The following FCRL3 variants were observed in gnomAD, a reference collection of about 807,000 sequenced individuals.
FCRL3 encodes the protein Fc receptor-like protein 3.
Under a neutral mutation model 75.0 loss-of-function variants are expected in FCRL3, and 89 were observed. The observed-to-expected ratio is 1.19, with a 90% CI of 1.00 to 1.42. FCRL3 has a LOEUF of 1.42. Ranked by LOEUF, FCRL3 falls within the 40% of genes most tolerant of loss-of-function variation. The pLI, the probability that FCRL3 is intolerant of heterozygous loss-of-function variation, is 0.00. For synonymous variants in FCRL3, 376 were observed against 348.5 expected (o/e 1.08, Z -0.88); for missense variants, 946 against 880.0 (o/e 1.07, Z -0.95).
chr1:157,692,151 C>T (rs2101612728), intron 8 of FCRL3: 1 of 151,140 alleles, frequency 6.6e-6, no homozygotes, highest in South Asian at 2.1e-4. Context: ...AACATAATGC[C>T]CTTTTAATTG....
intron 7 of FCRL3, 102 bp from the exon 8 acceptor site, chr1:157,695,709 G>A: frequency 7.5e-7 from 1 of 1,327,230 alleles, no homozygotes; most frequent in Non-Finnish European, 1.0e-6. Flanking sequence ...TCCCTTGATT[G>A]TTTCTGTTTC....
intron 10 of FCRL3, among the ~76,000 whole-genome samples, chr1:157,686,144 T>A (rs772499121): frequency 3.4e-4 from 51 of 151,950 alleles, no homozygotes; most frequent in Non-Finnish European, 6.6e-4. Flanking sequence ...TTTCTATACA[T>A]CAACAAAGTC....
At chr1:157,681,601 C>T (rs1403968660) in intron 11 of FCRL3, among the ~76,000 whole-genome samples, 4 of 152,074 alleles carry the variant, frequency 2.6e-5, no homozygotes, top group Non-Finnish European at 5.9e-5. Flanking sequence ...CATAGTATTC[C>T]ATGGTGTATA....
intron 5 of FCRL3, 68 bp downstream of exon 5, chr1:157,697,591 A>G: frequency 1.9e-6 from 3 of 1,540,498 alleles, no homozygotes; most frequent in Non-Finnish European, 2.6e-6. Context: ...ATTCCCACTG[A>G]TAAACATCTT....
At chr1:157,680,667 C>G in intron 13 of FCRL3, 35 bp downstream of exon 13, 1 of 1,584,894 alleles carries the variant, frequency 6.3e-7, no homozygotes, top group Non-Finnish European at 8.7e-7. Context: ...TAAAACACTG[C>G]CACCTCACCT....
chr1:157,689,782 G>C lies in FCRL3; in HGVS notation c.1810+16C>G. 6.2e-7 allele frequency: 1 copy of C among 1,613,988 alleles called. No homozygotes were observed. The highest frequency in any genetic ancestry group is 8.5e-7 in the Non-Finnish European group (1 of 1,179,904). On this transcript the variant is annotated intron_variant, in intron 10 of 14. Transcript: ENST00000368184. ...AACGGCAAAATCACATCACAAGGTA[G>C]GACCTAGACACCCACCTGGTTTCCT...
rs771038579 is a variant in FCRL3 at position 157,697,859 on chromosome 1, C to T, written c.359G>A (p.Cys120Tyr). ...AGTGTTTTTGTTGTCTTTCCCCTGA[C>T]ATCTCAGAATGACATTGTCTCCTTC... ...VFEGDNVILR[C>Y]QGKDNKNTHQ... Residue 120 changes from cysteine to tyrosine, a missense_variant, in exon 5 of 15, where the codon TGT becomes TAT. Coordinates refer to ENST00000368184, the MANE Select transcript of FCRL3 (RefSeq NM_052939.4). 45 of 1,614,148 alleles carry T rather than the reference C, an allele frequency of 2.8e-5. 1 individual carries two copies. In the Admixed American group the frequency reaches 7.5e-4, roughly 27 times the overall value.
chr1:157,681,185 A>G (rs1288419005), intron 11 of FCRL3, 86 bp from the exon 12 acceptor site: 2 of 818,004 alleles, frequency 2.4e-6, no homozygotes, highest in Non-Finnish European at 1.8e-6. Flanking sequence ...GAAGTCCTCC[A>G]GTCCAGCATG....
intron 9 of FCRL3, 51 bp downstream of exon 9, chr1:157,690,204 C>A: frequency 6.3e-7 from 1 of 1,588,682 alleles, no homozygotes; most frequent in Non-Finnish European, 8.6e-7. Flanking sequence ...TGTCAGATAA[C>A]TATTTTATTT....
At chr1:157,693,957 C>G (rs941522835) in intron 8 of FCRL3, among the ~76,000 whole-genome samples, 1 of 151,984 alleles carries the variant, frequency 6.6e-6, no homozygotes, top group East Asian at 1.9e-4. Context: ...TCCATATTGC[C>G]CACGCTGGTC....
chr1:157,694,726 G>A (rs758489387), intron 8 of FCRL3, among the ~76,000 whole-genome samples: 3 of 151,998 alleles, frequency 2.0e-5, no homozygotes, highest in African/African-American at 7.3e-5. Flanking sequence ...TTTTGTTAGG[G>A]GATACTGAGA....
At chr1:157,687,071 GAACT>G (rs1309258210) in intron 10 of FCRL3, among the ~76,000 whole-genome samples, 3 of 151,654 alleles carry the variant, frequency 2.0e-5, no homozygotes, top group Non-Finnish European at 4.4e-5. Flanking sequence ...GACCTGTAAG[GAACT>G]TAAACAAATC....
chr1:157,689,944 T>C, intron 9 of FCRL3, 27 bp from the exon 10 acceptor site: 1 of 1,612,074 alleles, frequency 6.2e-7, no homozygotes, highest in African/African-American at 1.3e-5. Flanking sequence ...GTACTTGAGT[T>C]TCAGTGGCAC....
chr1:157,700,552 GA>G lies in FCRL3; in HGVS notation c.-64del. On this transcript the variant is annotated 5_prime_UTR_variant, in exon 2 of 15. Coordinates refer to ENST00000368184, the MANE Select transcript of FCRL3 (RefSeq NM_052939.4). The stretch of plus-strand genomic sequence containing the variant: ...CACCAAAAGCCCGACTTATCTCCAA[GA>G]AGGAGGGCAGGAAGCTGCTACTCAG... The G allele has an allele frequency of 6.2e-7, 1 of 1,613,200 alleles. No individual in the cohort carries two copies. The highest frequency in any genetic ancestry group is 1.1e-5 in the South Asian group (1 of 90,996).
At chr1:157,695,046 C>A (rs574084687) in intron 8 of FCRL3, among the ~76,000 whole-genome samples, 4 of 151,956 alleles carry the variant, frequency 2.6e-5, no homozygotes, top group Non-Finnish European at 5.9e-5. Flanking sequence ...GCTGACCCAT[C>A]ACGTGTTTGG....
chr1:157,700,446 C>A lies in FCRL3; in HGVS notation c.31+13G>T, dbSNP rs376852410. 1.1e-5 allele frequency: 17 copies of A among 1,613,822 alleles called. No homozygotes were observed. Among genetic ancestry groups the A allele is most frequent in the Non-Finnish European group, 1.4e-5 (17 of 1,179,946 alleles). On this transcript the variant is annotated intron_variant, in intron 2 of 14. Transcript: ENST00000368184. ...AACTGAGGCCGTGGCCCCATTATAG[C>A]CCATCTACTCACTCAGGATCAGCAG...
At chr1:157,699,437 G>A (rs1395124071) in intron 3 of FCRL3, among the ~76,000 whole-genome samples, 1 of 151,816 alleles carries the variant, frequency 6.6e-6, no homozygotes, top group East Asian at 1.9e-4. Context: ...TCAGCCTCTT[G>A]CCTCTGTCCT....
intron 10 of FCRL3, 117 bp from the exon 11 acceptor site, chr1:157,683,361 T>A: frequency 7.9e-7 from 1 of 1,273,246 alleles, no homozygotes; most frequent in Non-Finnish European, 1.1e-6. Flanking sequence ...ACGGAAAAAC[T>A]CAAGGATTAT....
Position 157,680,980 on chromosome 1 carries a change from C to A in FCRL3, c.1957+1G>T. 2 of 1,578,686 alleles carry A rather than the reference C, an allele frequency of 1.3e-6. No homozygotes were observed. Among genetic ancestry groups the A allele is most frequent in the Non-Finnish European group, 1.7e-6 (2 of 1,166,500 alleles). ...CCTTCTGCCCCCTAGGGAGTCCTCA[C>A]CATTGCTGTACATTGGCTCCAGCTC... On this transcript the variant is annotated splice_donor_variant, in intron 12 of 14. Coordinates refer to ENST00000368184, the MANE Select transcript of FCRL3 (RefSeq NM_052939.4). LOFTEE classifies it high-confidence loss of function.
Sources: gnomAD v4.1 joint callset for allele counts (sites outside exome capture counted in the v4.1 genomes callset) on GRCh38, gnomAD v4.1.1 for gene constraint, MANE v1.5 for transcripts, NCBI Gene and HGNC (gene_info 2026-07-23, HGNC 2026-07-21) for gene names.